The following TOP6BL variants were observed in gnomAD, a reference collection of about 807,000 sequenced individuals.
The protein encoded by TOP6BL is type 2 DNA topoisomerase 6 subunit B-like.
the TOP6BL span, among the ~76,000 whole-genome samples, chr11:66,823,034 C>G: frequency 6.6e-6 from 1 of 151,398 alleles, no homozygotes; most frequent in Non-Finnish European, 1.5e-5. Flanking sequence ...GTGGCTCATG[C>G]CTGTAATCCC....
At chr11:66,830,173 A>G in the TOP6BL span, among the ~76,000 whole-genome samples, 2 of 152,236 alleles carry the variant, frequency 1.3e-5, no homozygotes, top group East Asian at 3.8e-4. Flanking sequence ...ATATGTCTCA[A>G]TACATTTTAA....
At chr11:66,767,403 C>T in the TOP6BL span, among the ~76,000 whole-genome samples, 1 of 151,990 alleles carries the variant, frequency 6.6e-6, no homozygotes, top group African/African-American at 2.4e-5. Context: ...CCTATTATGT[C>T]CTTATTCAAG....
chr11:66,843,186 G>C, the TOP6BL span: 1 of 1,611,222 alleles, frequency 6.2e-7, no homozygotes. Flanking sequence ...TGTGGCTGCA[G>C]GAGGTCTCCA....
chr11:66,813,916 C>G, the TOP6BL span: 1 of 1,613,734 alleles, frequency 6.2e-7, no homozygotes, highest in African/African-American at 1.3e-5. Context: ...AACTTGGGAG[C>G]AGCCGATGAC....
At chr11:66,791,674 C>T in the TOP6BL span, among the ~76,000 whole-genome samples, 19 of 152,174 alleles carry the variant, frequency 1.2e-4, no homozygotes, top group African/African-American at 4.1e-4. Context: ...CTGCTGTGCA[C>T]GGCTGGCAGC....
chr11:66,787,659 G>T, the TOP6BL span, among the ~76,000 whole-genome samples: 1 of 150,078 alleles, frequency 6.7e-6, no homozygotes, highest in Non-Finnish European at 1.5e-5. Flanking sequence ...GGCGGATGTT[G>T]CAGCGAGCCG....
At chr11:66,762,424 C>G in the TOP6BL span, 1 of 321,088 alleles carries the variant, frequency 3.1e-6, no homozygotes, top group South Asian at 2.8e-5. Context: ...CGAACATGTG[C>G]GGATGCAAAG....
At chr11:66,813,945 C>G in the TOP6BL span, 2 of 1,613,474 alleles carry the variant, frequency 1.2e-6, no homozygotes, top group African/African-American at 1.3e-5. Context: ...TCAAAGATAC[C>G]TCTTCTTTAG....
the TOP6BL span, among the ~76,000 whole-genome samples, chr11:66,830,916 C>CATT: frequency 6.6e-6 from 1 of 152,138 alleles, no homozygotes; most frequent in Non-Finnish European, 1.5e-5. Flanking sequence ...TCTTAAAACT[C>CATT]ATTAATAAGA....
chr11:66,838,581 C>T, the TOP6BL span: 1 of 717,590 alleles, frequency 1.4e-6, no homozygotes, highest in Non-Finnish European at 2.3e-6. Context: ...CTGTTGCTGC[C>T]ACTGTGGGTC....
At chr11:66,776,877 C>T in the TOP6BL span, among the ~76,000 whole-genome samples, 2 of 151,942 alleles carry the variant, frequency 1.3e-5, no homozygotes, top group Non-Finnish European at 2.9e-5. Flanking sequence ...TGGCAAGACC[C>T]AGTCTCTACA....
chr11:66,807,680 C>CCTAG, the TOP6BL span, among the ~76,000 whole-genome samples: 3 of 152,104 alleles, frequency 2.0e-5, no homozygotes, highest in Non-Finnish European at 4.4e-5. Flanking sequence ...GAGAGCTGAG[C>CCTAG]CTAGCATTGG....
the TOP6BL span, among the ~76,000 whole-genome samples, chr11:66,831,839 T>C: frequency 6.6e-6 from 1 of 150,866 alleles, no homozygotes; most frequent in African/African-American, 2.4e-5. Context: ...ACTAAAAATA[T>C]AAAAAAAATT....
the TOP6BL span, chr11:66,843,361 CGGGGCGGGG>C: frequency 7.0e-7 from 1 of 1,426,922 alleles, no homozygotes; most frequent in South Asian, 1.4e-5. Context: ...CGGGCCCGGG[CGGGGCGGGG>C]CGGGGCGTGG....
chr11:66,762,071 C>CCATT, the TOP6BL span: 1 of 1,254,740 alleles, frequency 8.0e-7, no homozygotes, highest in Non-Finnish European at 1.2e-6. Context: ...AGCTTCTGTC[C>CCATT]CATTCAGTTC....
chr11:66,843,243 C>T, the TOP6BL span: 1 of 1,607,940 alleles, frequency 6.2e-7, no homozygotes, highest in Non-Finnish European at 8.5e-7. Flanking sequence ...GAGCCGGGTC[C>T]CCTTCCGCAA....
At chr11:66,746,184 A>C in the TOP6BL span, among the ~76,000 whole-genome samples, 1 of 152,202 alleles carries the variant, frequency 6.6e-6, no homozygotes, top group Non-Finnish European at 1.5e-5. Context: ...CATTCTTGTT[A>C]ACTGGTACAA....
At chr11:66,813,115 T>C in the TOP6BL span, among the ~76,000 whole-genome samples, 1 of 152,224 alleles carries the variant, frequency 6.6e-6, no homozygotes, top group Non-Finnish European at 1.5e-5. Flanking sequence ...CTAGAAGATA[T>C]TCTCTTGTAT....
chr11:66,762,759 G>A, the TOP6BL span, among the ~76,000 whole-genome samples: 1 of 152,272 alleles, frequency 6.6e-6, no homozygotes, highest in Non-Finnish European at 1.5e-5. Context: ...GTGAGCCACC[G>A]CGCCCGGCCA....
Sources: gnomAD v4.1 joint callset for allele counts (sites outside exome capture counted in the v4.1 genomes callset) on GRCh38, gnomAD v4.1.1 for gene constraint, MANE v1.5 for transcripts, NCBI Gene and HGNC (gene_info 2026-07-23, HGNC 2026-07-21) for gene names.